LNX1: variants seen among roughly 807,000 people sequenced by gnomAD.
LNX1 encodes the protein E3 ubiquitin-protein ligase LNX.
Under a neutral mutation model 68.4 loss-of-function variants are expected in LNX1, and 54 were observed. That is an observed-to-expected ratio of 0.79 (90% CI 0.63 to 0.99). The LOEUF is 0.99. LNX1 is among the 50% of genes least tolerant of loss of function. The pLI is 0.00. For missense variants in LNX1, 906 were observed against 926.4 expected, an observed-to-expected ratio of 0.98 and a Z score of 0.29; for synonymous variants, 336 against 350.0, an observed-to-expected ratio of 0.96 and a Z score of 0.45.
chr4:53,486,864 T>C (rs573583642), intron 6 of LNX1, among the ~76,000 whole-genome samples: 1 of 152,276 alleles, frequency 6.6e-6, no homozygotes, highest in Admixed American at 6.5e-5. Context: ...GGCATCTTTC[T>C]ACTGTTTTGG....
intron 2 of LNX1, among the ~76,000 whole-genome samples, chr4:53,517,042 G>A (rs946078851): frequency 1.5e-4 from 23 of 152,186 alleles, no homozygotes; most frequent in Admixed American, 2.6e-4. Context: ...TTCCATGGGA[G>A]TAAACGTCCT....
Position 53,575,471 on chromosome 4 carries a change from T to A in LNX1, c.-86-1383A>T, listed in dbSNP as rs551552054. ...GTCATGAGTTTGATATGCAGACCTT[T>A]GAGAGAGACTTAAAGGATATGCTTC... On this transcript the variant is annotated intron_variant, in intron 1 of 10. Transcript: ENST00000263925. The A allele has an allele frequency of 8.7e-5, 86 of 983,174 alleles. No individual in the cohort carries two copies. The African/African-American group carries it at 1.4e-3, about 16-fold the overall frequency. The allele number at this position is 983,174 out of a possible 1,614,324, so 60.9% of individuals were successfully genotyped here.
intron 1 of LNX1, among the ~76,000 whole-genome samples, chr4:53,587,233 G>A (rs1021974262): frequency 6.6e-6 from 1 of 152,162 alleles, no homozygotes; most frequent in Non-Finnish European, 1.5e-5. Flanking sequence ...GGAGGAAAGG[G>A]TAAACACAGA....
intron 1 of LNX1, among the ~76,000 whole-genome samples, chr4:53,623,499 G>A (rs572198939): frequency 6.6e-6 from 1 of 152,038 alleles, no homozygotes; most frequent in Admixed American, 6.6e-5. Context: ...CTCTCAAAGT[G>A]TTGGGATTAC....
In LNX1 at chr4:53,481,779, C is replaced by T. The variant is rs138151311; in HGVS notation, c.1426G>A (p.Gly476Ser). 1.8e-4 allele frequency: 292 copies of T among 1,613,668 alleles called. No individual in the cohort carries two copies. Among genetic ancestry groups the T allele is most frequent in the Non-Finnish European group, 2.4e-4 (281 of 1,179,838 alleles). The change falls in exon 7 of 11, where the codon GGC becomes AGC. Residue 476 changes from glycine (G) to serine (S), a missense_variant. Transcript: ENST00000263925. The stretch of plus-strand genomic sequence containing the variant: ...GACCAGCTGCCATTGCTGTTCCAGC[C>T]GGCTTCCTGAAAGATGTCAGGGCTC... ...QRSPDIFQEA[G>S]WNSNGSWSPG...
chr4:53,497,771 G>A (rs1322186862), intron 5 of LNX1, among the ~76,000 whole-genome samples: 3 of 152,178 alleles, frequency 2.0e-5, no homozygotes, highest in African/African-American at 2.4e-5. Flanking sequence ...GCTCCACCTC[G>A]GAGGCCAGCA....
At chr4:53,571,148 T>A (rs1222873597) in intron 2 of LNX1, among the ~76,000 whole-genome samples, 1 of 151,782 alleles carries the variant, frequency 6.6e-6, no homozygotes, top group African/African-American at 2.4e-5. Flanking sequence ...GCCTCCCAAG[T>A]AGCTGGGATT....
At chr4:53,640,675 A>G (rs770055718) in intron 1 of LNX1, among the ~76,000 whole-genome samples, 1 of 152,218 alleles carries the variant, frequency 6.6e-6, no homozygotes, top group Non-Finnish European at 1.5e-5. Context: ...TGTCAACAGT[A>G]GGAACAATTA....
At position 53,565,615 on chromosome 4, in the gene LNX1, C is replaced by T. The variant is rs367860926; in HGVS notation, c.380+8008G>A. Among the ~76,000 whole-genome samples the T allele has an allele frequency of 3.2e-4, 48 of 152,140 alleles. 1 individual carries two copies. Among genetic ancestry groups the T allele is most frequent in the South Asian group, 1.2e-3 (6 of 4,814 alleles). ...CCTCTCCTCCTCCAAAGGAACGCAGCTCCTCACCAGCAACAGAACAAAGCT... is the reference window on the plus strand; with the variant it reads ...CCTCTCCTCCTCCAAAGGAACGCAGTTCCTCACCAGCAACAGAACAAAGCT... On this transcript the variant is annotated intron_variant, in intron 2 of 10. Coordinates refer to ENST00000263925, the MANE Select transcript of LNX1 (RefSeq NM_001126328.3).
intron 2 of LNX1, among the ~76,000 whole-genome samples, chr4:53,551,905 TC>T (rs1168133232): frequency 6.6e-6 from 1 of 152,198 alleles, no homozygotes; most frequent in Non-Finnish European, 1.5e-5. Flanking sequence ...CAGTAACACT[TC>T]CATAGCCTTA....
chr4:53,575,405 G>C, intron 1 of LNX1: 1 of 662,964 alleles, frequency 1.5e-6, no homozygotes, highest in South Asian at 6.8e-5. Flanking sequence ...CTCTTGCGTA[G>C]AAAGTCAATA....
chr4:53,507,231 G>T (rs1560633899), intron 4 of LNX1, 86 bp downstream of exon 4: 2 of 1,415,080 alleles, frequency 1.4e-6, no homozygotes, highest in African/African-American at 2.9e-5. Flanking sequence ...GTCACAGAAG[G>T]TGGAAGGTGA....
chr4:53,511,551 A>C (rs923065763), intron 2 of LNX1, among the ~76,000 whole-genome samples: 2 of 152,198 alleles, frequency 1.3e-5, no homozygotes, highest in African/African-American at 4.8e-5. Flanking sequence ...GTCCATTCAA[A>C]TGAGCAACTC....
intron 2 of LNX1, among the ~76,000 whole-genome samples, chr4:53,526,809 C>A (rs1335237250): frequency 1.3e-5 from 2 of 151,870 alleles, no homozygotes; most frequent in Non-Finnish European, 2.9e-5. Flanking sequence ...CCTTCGACCT[C>A]TTCTGTTATA....
chr4:53,467,949 T>A (rs1418919974), intron 9 of LNX1, among the ~76,000 whole-genome samples: 1 of 152,160 alleles, frequency 6.6e-6, no homozygotes, highest in Non-Finnish European at 1.5e-5. Flanking sequence ...TTCCCCAATC[T>A]AGCAAGGCAG....
At chr4:53,529,309 G>C (rs556894304) in intron 2 of LNX1, among the ~76,000 whole-genome samples, 1 of 152,102 alleles carries the variant, frequency 6.6e-6, no homozygotes, top group Non-Finnish European at 1.5e-5. Flanking sequence ...ATCTGCCTGG[G>C]AGCAGGCAGT....
intron 9 of LNX1, among the ~76,000 whole-genome samples, chr4:53,474,891 C>T (rs182966597): frequency 1.3e-4 from 20 of 152,292 alleles, no homozygotes; most frequent in African/African-American, 4.6e-4. Context: ...CTCAGCCTCC[C>T]GAGTAGCTGG....
chr4:53,476,963 A>G lies in LNX1; in HGVS notation c.1682T>C (p.Val561Ala), dbSNP rs1723605538. The change falls in exon 9 of 11, where the codon GTG becomes GCG. Residue 561 changes from valine (V) to alanine (A), a missense_variant. Val to Ala is a moderately conservative substitution (Grantham distance 64). Transcript: ENST00000263925. ...GACCTCTGTCAGTTCGACCCCATCC[A>G]CATTCAACAAAATGTCACCTGATGG... is the stretch of plus-strand genomic sequence containing the variant. Reference protein sequence around the residue: ...RIKTGDILLNVDGVELTEVSR... With the variant: ...RIKTGDILLNADGVELTEVSR... 6.2e-7 allele frequency: 1 copy of G among 1,614,040 alleles called. No homozygotes were observed. The highest frequency in any genetic ancestry group is 8.5e-7 in the Non-Finnish European group (1 of 1,180,006).
At chr4:53,567,591 A>G (rs1174409804) in intron 2 of LNX1, among the ~76,000 whole-genome samples, 2 of 151,920 alleles carry the variant, frequency 1.3e-5, no homozygotes, top group South Asian at 2.1e-4. Context: ...AAGAACTAGA[A>G]AAGCAAGAGC....
Sources: gnomAD v4.1 joint callset for allele counts (sites outside exome capture counted in the v4.1 genomes callset) on GRCh38, gnomAD v4.1.1 for gene constraint, MANE v1.5 for transcripts, NCBI Gene and HGNC (gene_info 2026-07-23, HGNC 2026-07-21) for gene names.